The following OR1J2 variants were observed in gnomAD, a reference collection of about 807,000 sequenced individuals.
OR1J2 encodes the protein olfactory receptor 1J2.
For synonymous variants in OR1J2, 142 were observed against 99.7 expected, an observed-to-expected ratio of 1.42 and a Z score of -2.52; for missense variants, 304 against 246.1, an observed-to-expected ratio of 1.24 and a Z score of -1.57.
At chr9:122,555,160 A>C in the OR1J2 span, among the ~76,000 whole-genome samples, 2 of 152,260 alleles carry the variant, frequency 1.3e-5, no homozygotes. Context: ...GATAACTCAC[A>C]GAGAAAAAGA....
the OR1J2 span, among the ~76,000 whole-genome samples, chr9:122,465,863 A>G: frequency 6.6e-6 from 1 of 152,024 alleles, no homozygotes; most frequent in Non-Finnish European, 1.5e-5. Context: ...CTCAGCTCCC[A>G]CTACCCCTGA....
chr9:122,540,787 T>C, the OR1J2 span, among the ~76,000 whole-genome samples: 1 of 152,206 alleles, frequency 6.6e-6, no homozygotes, highest in African/African-American at 2.4e-5. Flanking sequence ...CCTCTTTTAT[T>C]TCCTTGAACA....
the OR1J2 span, chr9:122,520,106 C>T: frequency 2.6e-6 from 4 of 1,540,480 alleles, no homozygotes; most frequent in South Asian, 3.5e-5. Flanking sequence ...TTATAACAGA[C>T]ATATGTACTG....
At chr9:122,527,367 C>T in the OR1J2 span, 1 of 820,620 alleles carries the variant, frequency 1.2e-6, no homozygotes, top group Non-Finnish European at 1.9e-6. Flanking sequence ...TGGGCTGACT[C>T]CCAAATCTCC....
At chr9:122,468,532 C>CT in the OR1J2 span, among the ~76,000 whole-genome samples, 82 of 149,920 alleles carry the variant, frequency 5.5e-4, 1 homozygote, top group South Asian at 9.5e-3. Flanking sequence ...ATCATAAACT[C>CT]TTTTTTTTTT....
At chr9:122,451,465 G>A in the OR1J2 span, among the ~76,000 whole-genome samples, 8 of 152,160 alleles carry the variant, frequency 5.3e-5, no homozygotes, top group South Asian at 8.3e-4. Context: ...GATTACAGGC[G>A]TGAGCCACCA....
upstream of OR1J2, among the ~76,000 whole-genome samples, chr9:122,507,401 C>T (rs1378638633): frequency 6.6e-6 from 1 of 152,162 alleles, no homozygotes; most frequent in Admixed American, 6.5e-5. Flanking sequence ...TCTTGGTAGG[C>T]TGCTGAAGGA....
At chr9:122,515,392 A>G (rs1026030015), downstream of OR1J2, among the ~76,000 whole-genome samples, 180 of 54,592 alleles carry the variant, frequency 3.3e-3, no homozygotes, top group African/African-American at 0.017. Flanking sequence ...GTGTGTGTGT[A>G]TACGGGTGCT....
chr9:122,554,532 C>T, the OR1J2 span, among the ~76,000 whole-genome samples: 2 of 152,200 alleles, frequency 1.3e-5, no homozygotes, highest in Non-Finnish European at 2.9e-5. Flanking sequence ...AGAATAGAAA[C>T]ATTTATTGAC....
the OR1J2 span, among the ~76,000 whole-genome samples, chr9:122,461,259 T>C: frequency 6.6e-6 from 1 of 152,302 alleles, no homozygotes; most frequent in African/African-American, 2.4e-5. Flanking sequence ...TTGTCTTAGA[T>C]GACTTTTATT....
chr9:122,531,245 T>C, the OR1J2 span, among the ~76,000 whole-genome samples: 1 of 152,164 alleles, frequency 6.6e-6, no homozygotes, highest in Non-Finnish European at 1.5e-5. Flanking sequence ...TTTAGAATTA[T>C]TGGAAGGAGG....
the OR1J2 span, among the ~76,000 whole-genome samples, chr9:122,481,063 G>T: frequency 6.6e-6 from 1 of 152,062 alleles, no homozygotes; most frequent in South Asian, 2.1e-4. Flanking sequence ...CAAAATGCTG[G>T]GATTACAGGC....
At chr9:122,479,105 G>A in the OR1J2 span, among the ~76,000 whole-genome samples, 3 of 152,112 alleles carry the variant, frequency 2.0e-5, no homozygotes, top group African/African-American at 4.8e-5. Context: ...TGTGTAGCGC[G>A]AAAACATATA....
chr9:122,558,070 A>G, the OR1J2 span, among the ~76,000 whole-genome samples: 1 of 151,520 alleles, frequency 6.6e-6, no homozygotes, highest in African/African-American at 2.4e-5. Flanking sequence ...TTCATTTCTG[A>G]TATTAGTAAC....
rs2119380139 is a variant in OR1J2 at position 122,511,233 on chromosome 9, A to C, written c.432A>C (p.Leu144Phe). 1.3e-6 allele frequency: 1 copy of C among 754,670 alleles called. No homozygotes were observed. The highest frequency in any genetic ancestry group is 2.4e-5 in the East Asian group (1 of 41,088). The allele number at this position is 754,670 out of a possible 1,614,324, so 46.7% of individuals were successfully genotyped here. A position where few individuals can be genotyped will look rare whatever the true frequency, so the allele number is the denominator to read the frequency against. ...VIMREELCVF[L>F]VAVSWILSCA... The stretch of plus-strand genomic sequence containing the variant: ...TGAGGGAAGAGCTCTGTGTCTTCTT[A>C]GTGGCTGTATCTTGGATTCTGTCTT... Residue 144 changes from leucine to phenylalanine, a missense_variant, in exon 1 of 1, where the codon TTA (leucine) becomes TTC (phenylalanine). Leu to Phe is a conservative substitution (Grantham distance 22). Coordinates refer to ENST00000335302, the MANE Select transcript of OR1J2 (RefSeq NM_054107.1).
chr9:122,479,057 A>G, the OR1J2 span, among the ~76,000 whole-genome samples: 3 of 152,140 alleles, frequency 2.0e-5, no homozygotes, highest in Non-Finnish European at 4.4e-5. Context: ...AAAGTTTAAG[A>G]TAAGTGTAAG....
the OR1J2 span, among the ~76,000 whole-genome samples, chr9:122,522,589 G>A: frequency 0.026 from 3,935 of 151,954 alleles, 87 homozygotes; most frequent in Middle Eastern, 0.041. Context: ...GTGCATGTGT[G>A]TGTGTGTGTG....
the OR1J2 span, among the ~76,000 whole-genome samples, chr9:122,530,796 G>A: frequency 6.6e-6 from 1 of 152,116 alleles, no homozygotes; most frequent in African/African-American, 2.4e-5. Flanking sequence ...GCAGGAGTGG[G>A]GGCCACAAGG....
chr9:122,569,947 G>A, the OR1J2 span, among the ~76,000 whole-genome samples: 1 of 148,678 alleles, frequency 6.7e-6, no homozygotes, highest in Non-Finnish European at 1.5e-5. Flanking sequence ...TTTTGTTCTT[G>A]CGATAGTTTA....
Sources: allele counts gnomAD v4.1 joint callset (sites outside exome capture counted in the v4.1 genomes callset), GRCh38; gene constraint gnomAD v4.1.1; transcripts MANE v1.5; gene names NCBI Gene and HGNC (gene_info 2026-07-23, HGNC 2026-07-21).